FCF1: variants seen among roughly 807,000 people sequenced by gnomAD.
FCF1 encodes the protein rRNA-processing protein FCF1 homolog.
FCF1 carries 17 observed loss-of-function variants against 32.5 expected under a neutral mutation model. That is an observed-to-expected ratio of 0.52 (90% confidence interval 0.36 to 0.78). FCF1 has a LOEUF of 0.78. Ranked by LOEUF, FCF1 falls within the 30% of genes least tolerant of loss-of-function variation. The pLI is 0.00. For missense variants in FCF1, 201 were observed against 241.1 expected (o/e 0.83, Z 1.10); for synonymous variants, 84 against 78.4 (o/e 1.07, Z -0.38).
intron 5 of FCF1, 56 bp downstream of exon 5, chr14:74,723,400 T>C: frequency 2.4e-6 from 3 of 1,258,150 alleles, no homozygotes; most frequent in Non-Finnish European, 2.3e-6. Context: ...GATTCATCTG[T>C]TTGTTGTTTA....
At chr14:74,714,761 G>C in intron 2 of FCF1, 111 bp from the exon 3 acceptor site, 2 of 1,376,330 alleles carry the variant, frequency 1.5e-6, no homozygotes, top group Non-Finnish European at 1.9e-6. Context: ...TCACAAAGTA[G>C]GATTTCTTCA....
intron 5 of FCF1, among the ~76,000 whole-genome samples, chr14:74,725,643 C>A (rs1364464476): frequency 6.6e-6 from 1 of 151,672 alleles, no homozygotes; most frequent in Non-Finnish European, 1.5e-5. Flanking sequence ...TAAAAATTTG[C>A]CGGGCGGCCA....
chr14:74,724,731 C>A (rs1434837203), intron 5 of FCF1, among the ~76,000 whole-genome samples: 1 of 151,996 alleles, frequency 6.6e-6, no homozygotes, highest in Non-Finnish European at 1.5e-5. Flanking sequence ...ATGGTGAAAC[C>A]CTGTCTCCAC....
rs773999614 is a variant in FCF1 at position 74,734,886 on chromosome 14, A to C, written c.553A>C (p.Asn185His). 6 of 1,613,582 alleles carry C rather than the reference A, an allele frequency of 3.7e-6. No homozygotes were observed. The change falls in exon 8 of 8, where the codon AAC becomes CAC. Residue 185 changes from asparagine to histidine, a missense_variant. By Grantham distance (68) the Asn-to-His change is moderately conservative. Around this residue, in one of 3 missense-constraint regions of FCF1, gnomAD observed 121 missense variants for 147.8 expected, o/e 0.82. Transcript: ENST00000341162. ...TTGATTTTTTGTCCTGATCAGATACAACATTGAACGGATGCCAGATGATTA... is the reference window on the plus strand; with the variant it reads ...TTGATTTTTTGTCCTGATCAGATACCACATTGAACGGATGCCAGATGATTA... Reference protein sequence around the residue: ...PIMYISNHRYNIERMPDDYGA... With the variant: ...PIMYISNHRYHIERMPDDYGA...
At chr14:74,721,850 C>T (rs991351408) in intron 4 of FCF1, among the ~76,000 whole-genome samples, 1 of 152,070 alleles carries the variant, frequency 6.6e-6, no homozygotes, top group Non-Finnish European at 1.5e-5. Context: ...ATTAACAAGT[C>T]TGTAGTAAAT....
rs796396763 is a variant in FCF1 at position 74,736,139 on chromosome 14, T to A, written c.*1209T>A. The A allele has an allele frequency of 1.4e-4, 21 of 152,428 alleles. No homozygotes were observed. The highest frequency in any genetic ancestry group is 5.1e-4 in the African/African-American group (21 of 41,552). 9.4% of individuals were successfully genotyped at this position (152,428 alleles called of 1,614,324 possible). On this transcript the variant is annotated 3_prime_UTR_variant, in exon 8 of 8. Transcript: ENST00000341162. ...CTCATAAAAACTAGGCCAGGCATGG[T>A]GGCTCATTCCTGTAATCCCAGCACT...
intron 4 of FCF1, 118 bp downstream of exon 4, chr14:74,716,217 C>A: frequency 1.1e-6 from 1 of 947,026 alleles, no homozygotes; most frequent in Non-Finnish European, 1.7e-6. Context: ...ATTTAATTTA[C>A]AGTGGTCACC....
At chr14:74,713,361 G>C in intron 1 of FCF1, 124 bp from the exon 2 acceptor site, 1 of 1,550,108 alleles carries the variant, frequency 6.5e-7, no homozygotes, top group Non-Finnish European at 8.8e-7. Flanking sequence ...ATGCTTTACA[G>C]AGTGGGGAAG....
At position 74,735,272 on chromosome 14, in the gene FCF1, T is replaced by C; in HGVS notation, c.*342T>C. The C allele has an allele frequency of 5.1e-6, 1 of 196,328 alleles. No homozygotes were observed. The highest frequency in any genetic ancestry group is 1.0e-5 in the Non-Finnish European group (1 of 96,406). The allele number at this position is 196,328 out of a possible 1,614,324, so 12.2% of individuals were successfully genotyped here. ...TCAAGGAAAATCATGTTTTACGACTTGAGTTTATCTGTCTAGTTACCTTGC... is the reference window on the plus strand; with the variant it reads ...TCAAGGAAAATCATGTTTTACGACTCGAGTTTATCTGTCTAGTTACCTTGC... On this transcript the variant is annotated 3_prime_UTR_variant, in exon 8 of 8. Transcript: ENST00000341162.
At chr14:74,734,410 T>C (rs1457804367) in intron 7 of FCF1, among the ~76,000 whole-genome samples, 1 of 152,176 alleles carries the variant, frequency 6.6e-6, no homozygotes, top group African/African-American at 2.4e-5. Flanking sequence ...AGACGTATTG[T>C]TTTAAATAAA....
rs1295110977 is a variant in FCF1, at chr14:74,738,104, G to A, written c.*3174G>A. Reference sequence around the variant, plus strand: ...CTAAATTTTTTTTTTTTTTGAGACAGTTTCTCACTCTGTCACCCAGGCTGC... The same window carrying A: ...CTAAATTTTTTTTTTTTTTGAGACAATTTCTCACTCTGTCACCCAGGCTGC... On this transcript the variant is annotated 3_prime_UTR_variant, in exon 8 of 8. Coordinates refer to ENST00000341162, the MANE Select transcript of FCF1 (RefSeq NM_015962.5). 6.7e-6 allele frequency: 1 copy of A among 148,198 alleles called. No homozygotes were observed. The highest frequency in any genetic ancestry group is 2.0e-4 in the East Asian group (1 of 5,122). The allele number at this position is 148,198 out of a possible 1,614,324, so 9.2% of individuals were successfully genotyped here. A position where few individuals can be genotyped will look rare whatever the true frequency, so the allele number is the denominator to read the frequency against.
At chr14:74,723,373 T>C in intron 5 of FCF1, 29 bp downstream of exon 5, 1 of 1,462,494 alleles carries the variant, frequency 6.8e-7, no homozygotes, top group Non-Finnish European at 9.5e-7. Flanking sequence ...AGATCTGTTC[T>C]AGATTGGTAT....
rs73301933 is a variant in FCF1 at position 74,713,155 on chromosome 14, G to T, written c.-43G>T. ...AGTATGTGAATGACGTAGAAGTATTGCGCCGTTGGTGATTACGGAAGAACC... is the reference window on the plus strand; with the variant it reads ...AGTATGTGAATGACGTAGAAGTATTTCGCCGTTGGTGATTACGGAAGAACC... On this transcript the variant is annotated 5_prime_UTR_variant, in exon 1 of 8. Transcript: ENST00000341162. The T allele has an allele frequency of 6.2e-7, 1 of 1,614,146 alleles. No homozygotes were observed. Among genetic ancestry groups the T allele is most frequent in the Non-Finnish European group, 8.5e-7 (1 of 1,180,020 alleles).
chr14:74,734,581 C>T (rs1447690232), intron 7 of FCF1, among the ~76,000 whole-genome samples: 1 of 151,264 alleles, frequency 6.6e-6, no homozygotes, highest in Non-Finnish European at 1.5e-5. Context: ...ACTTATTTTC[C>T]AGCTTTTCAG....
In FCF1 at chr14:74,735,133, A is replaced by C; in HGVS notation, c.*203A>C. ...AACAGAGTTAAGTTACCTTTTAAGCATTTTGTGGGGCCGCGGGGGTTGGGG... is the reference window on the plus strand; with the variant it reads ...AACAGAGTTAAGTTACCTTTTAAGCCTTTTGTGGGGCCGCGGGGGTTGGGG... On this transcript the variant is annotated 3_prime_UTR_variant, in exon 8 of 8. Transcript: ENST00000341162. 3.9e-6 allele frequency: 1 copy of C among 256,290 alleles called. No individual in the cohort carries two copies. Among genetic ancestry groups the C allele is most frequent in the East Asian group, 9.2e-5 (1 of 10,840 alleles). The allele number at this position is 256,290 out of a possible 1,614,324, so 15.9% of individuals were successfully genotyped here.
chr14:74,722,332 G>T (rs2090515606), intron 4 of FCF1, among the ~76,000 whole-genome samples: 1 of 152,142 alleles, frequency 6.6e-6, no homozygotes, highest in African/African-American at 2.4e-5. Context: ...ATAGGCGTGA[G>T]CCACTACGCC....
rs1452431579 is a variant in FCF1 at position 74,737,549 on chromosome 14, T to G, written c.*2619T>G. 6.6e-6 allele frequency: 1 copy of G among 152,226 alleles called. No individual in the cohort carries two copies. The highest frequency in any genetic ancestry group is 2.4e-5 in the African/African-American group (1 of 41,458). The allele number at this position is 152,226 out of a possible 1,614,324, so 9.4% of individuals were successfully genotyped here. A position where few individuals can be genotyped will look rare whatever the true frequency, so the allele number is the denominator to read the frequency against. Reference sequence around the variant, plus strand: ...CAAACCATATAACCATCTGTTGCCTTCCTTGTTTCCTCTTTAAAGTGTTTA... The same window carrying G: ...CAAACCATATAACCATCTGTTGCCTGCCTTGTTTCCTCTTTAAAGTGTTTA... On this transcript the variant is annotated 3_prime_UTR_variant, in exon 8 of 8. Transcript: ENST00000341162.
intron 5 of FCF1, among the ~76,000 whole-genome samples, chr14:74,724,965 G>A (rs1237157067): frequency 1.3e-5 from 2 of 151,776 alleles, no homozygotes; most frequent in Non-Finnish European, 2.9e-5. Context: ...ATTGGGTACT[G>A]CTTCACAAAA....
chr14:74,714,552 A>C (rs1335925719), intron 2 of FCF1, among the ~76,000 whole-genome samples: 1 of 152,188 alleles, frequency 6.6e-6, no homozygotes, highest in Non-Finnish European at 1.5e-5. Context: ...CCTTTTACCC[A>C]TTGCTTGGAA....
Sources: allele counts gnomAD v4.1 joint callset (sites outside exome capture counted in the v4.1 genomes callset), GRCh38; gene constraint gnomAD v4.1.1; regional missense constraint gnomAD v4.1.1; transcripts MANE v1.5; gene names NCBI Gene and HGNC (gene_info 2026-07-23, HGNC 2026-07-21).